The following NACC2 variants were observed in gnomAD, a reference collection of about 807,000 sequenced individuals.
NACC2 encodes the protein nucleus accumbens-associated protein 2.
In NACC2, 8 loss-of-function variants were observed where a neutral mutation model predicts 25.1. The ratio of observed to expected loss-of-function variants is 0.32; its 90% confidence interval spans 0.19 to 0.57. The LOEUF (loss-of-function observed/expected upper bound fraction) is 0.57. Among genes scored for constraint, NACC2 ranks in the 20% least tolerant of loss-of-function variants. The probability of loss-of-function intolerance (pLI) is 0.89; values close to 1 mark genes in which losing one functional copy is unlikely to be tolerated. For synonymous variants in NACC2, 435 were observed against 294.7 expected, an observed-to-expected ratio of 1.48 and a Z score of -4.88; for missense variants, 644 against 650.2, an observed-to-expected ratio of 0.99 and a Z score of 0.10.
At chr9:136,091,833 A>T (rs924001040) in intron 1 of NACC2, among the ~76,000 whole-genome samples, 2 of 78,990 alleles carry the variant, frequency 2.5e-5, no homozygotes, top group African/African-American at 7.9e-5. Flanking sequence ...GGATTTGCTT[A>T]AAAAAAAAAC....
chr9:136,017,736 T>C (rs558135969), intron 2 of NACC2, among the ~76,000 whole-genome samples: 26 of 152,282 alleles, frequency 1.7e-4, no homozygotes, highest in African/African-American at 6.3e-4. Context: ...ACCGCCTCCC[T>C]CATTCCTGTG....
intron 2 of NACC2, among the ~76,000 whole-genome samples, chr9:136,023,094 G>A (rs1469897555): frequency 2.6e-5 from 1 of 37,818 alleles, no homozygotes; most frequent in African/African-American, 1.2e-4. Context: ...AGGGAAGGAG[G>A]GAAGAGGGAG....
rs1840076056 is a variant in NACC2, at chr9:136,009,752, A to C, written c.*1764T>G. 6.6e-6 allele frequency: 1 copy of C among 152,306 alleles called. No homozygotes were observed. Among genetic ancestry groups the C allele is most frequent in the African/African-American group, 2.4e-5 (1 of 41,416 alleles). 9.4% of individuals were successfully genotyped at this position (152,306 alleles called of 1,614,324 possible). ...AGGGTGCAGCACATGGTCCTCCCCTAGCGGAGGCGGCCTCCGCTTGATGGG... is the reference window on the plus strand; with the variant it reads ...AGGGTGCAGCACATGGTCCTCCCCTCGCGGAGGCGGCCTCCGCTTGATGGG... On this transcript the variant is annotated 3_prime_UTR_variant, in exon 6 of 6. Transcript: ENST00000277554.
chr9:136,077,991 C>G (rs116973826), intron 1 of NACC2, among the ~76,000 whole-genome samples: 2,725 of 152,314 alleles, frequency 0.018, 30 homozygotes, highest in Non-Finnish European at 0.028. Context: ...CCAGGCTGGT[C>G]TCAAACTCCT....
intron 2 of NACC2, among the ~76,000 whole-genome samples, chr9:136,021,326 G>A (rs951251341): frequency 6.8e-6 from 1 of 145,994 alleles, no homozygotes; most frequent in Non-Finnish European, 1.5e-5. Context: ...GCCATGTTGC[G>A]GTCCCACCTC....
Position 136,084,118 on chromosome 9 carries a change from C to A in NACC2, c.-60+11071G>T, listed in dbSNP as rs1188256488. On this transcript the variant is annotated intron_variant, in intron 1 of 5. Transcript: ENST00000277554. This position sits in a 1 kb window ranked among gnomAD's most constrained non-coding sequence, Gnocchi z 5.1. ...GTCCCTCACTCAGTGGCTCCAGGGACAACTGAGGGACATGGATCCAGCCAG... is the reference window on the plus strand; with the variant it reads ...GTCCCTCACTCAGTGGCTCCAGGGAAAACTGAGGGACATGGATCCAGCCAG... 6.6e-6 allele frequency among the ~76,000 whole-genome samples: 1 copy of A among 151,882 alleles called. No homozygotes were observed. The highest frequency in any genetic ancestry group is 1.5e-5 in the Non-Finnish European group (1 of 67,952).
intron 2 of NACC2, among the ~76,000 whole-genome samples, chr9:136,029,649 A>G (rs1490290974): frequency 6.6e-6 from 1 of 152,180 alleles, no homozygotes; most frequent in Non-Finnish European, 1.5e-5. Context: ...AGTTCCTGGC[A>G]TCTCCAAGCT....
chr9:136,064,118 A>G (rs1264939523), intron 1 of NACC2, among the ~76,000 whole-genome samples: 1 of 151,998 alleles, frequency 6.6e-6, no homozygotes, highest in Non-Finnish European at 1.5e-5. Context: ...GCAAGACCTC[A>G]TCTCTACAAA....
intron 2 of NACC2, among the ~76,000 whole-genome samples, chr9:136,024,452 G>A (rs1053301185): frequency 3.4e-5 from 5 of 148,730 alleles, no homozygotes; most frequent in African/African-American, 1.2e-4. Flanking sequence ...AGGACAGAGG[G>A]TATGTGTGAG....
chr9:136,080,296 C>T (rs1467685738), intron 1 of NACC2, among the ~76,000 whole-genome samples: 1 of 152,198 alleles, frequency 6.6e-6, no homozygotes, highest in Non-Finnish European at 1.5e-5. Context: ...GAGCCCAGGC[C>T]CCTTCGCTGC....
chr9:136,011,921 G>C lies in NACC2; in HGVS notation c.1359C>G (p.Pro453=), dbSNP rs756175440. ...NARRVRKRWL[P]KIKSMLPEGV... is the part of the protein sequence containing the mutation. ...CCTCCGGCAGCATGGACTTGATCTT[G>C]GGCAGCCAGCGCTTGCGAACGCGGC... Residue 453 remains proline (P), a synonymous_variant, in exon 6 of 6, where the codon CCC becomes CCG. Coordinates refer to ENST00000277554, the MANE Select transcript of NACC2 (RefSeq NM_144653.5). The C allele has an allele frequency of 1.9e-6, 3 of 1,596,760 alleles. No homozygotes were observed. The highest frequency in any genetic ancestry group is 2.6e-6 in the Non-Finnish European group (3 of 1,173,804).
chr9:136,038,654 T>TA (rs1363999855), intron 2 of NACC2, among the ~76,000 whole-genome samples: 1 of 152,192 alleles, frequency 6.6e-6, no homozygotes, highest in East Asian at 1.9e-4. Context: ...TACTTTATGG[T>TA]AAAAATTACT....
At chr9:136,041,561 C>A (rs1246828513) in intron 2 of NACC2, among the ~76,000 whole-genome samples, 1 of 152,102 alleles carries the variant, frequency 6.6e-6, no homozygotes, top group Non-Finnish European at 1.5e-5. Context: ...TAGGAATCTA[C>A]ACAGAGAGTA....
chr9:136,023,758 G>A (rs1448816281), intron 2 of NACC2, among the ~76,000 whole-genome samples: 1 of 152,250 alleles, frequency 6.6e-6, no homozygotes, highest in Non-Finnish European at 1.5e-5. Flanking sequence ...TCCAGCCATA[G>A]GCACAGGTTG....
At chr9:136,080,432 C>T (rs1489659036) in intron 1 of NACC2, among the ~76,000 whole-genome samples, 2 of 152,270 alleles carry the variant, frequency 1.3e-5, no homozygotes, top group Admixed American at 6.5e-5. Flanking sequence ...ATTAGCTGGG[C>T]GTGGTGGCGC....
chr9:136,040,900 G>T (rs1470354597), intron 2 of NACC2, among the ~76,000 whole-genome samples: 2 of 152,034 alleles, frequency 1.3e-5, no homozygotes, highest in African/African-American at 4.8e-5. Flanking sequence ...GGCAGAGGCT[G>T]CAATGAGTAG....
At chr9:136,056,504 C>T (rs1356161401) in intron 1 of NACC2, among the ~76,000 whole-genome samples, 1 of 152,210 alleles carries the variant, frequency 6.6e-6, no homozygotes, top group African/African-American at 2.4e-5. Context: ...CATCAAGTCA[C>T]AAGAGCCAGA....
chr9:136,060,523 G>T (rs1840994714), intron 1 of NACC2, among the ~76,000 whole-genome samples: 1 of 152,214 alleles, frequency 6.6e-6, no homozygotes. Context: ...CTCCCTGAGG[G>T]TCAGCTCCAC....
chr9:136,044,245 G>A (rs1186953682), intron 2 of NACC2, among the ~76,000 whole-genome samples: 19 of 152,184 alleles, frequency 1.2e-4, no homozygotes, highest in African/African-American at 3.6e-4. Flanking sequence ...GGTCCAGTGC[G>A]GTGCTCCCAC....
Sources: allele counts gnomAD v4.1 joint callset (sites outside exome capture counted in the v4.1 genomes callset), GRCh38; gene constraint gnomAD v4.1.1; non-coding constraint Gnocchi (gnomAD v3.1); transcripts MANE v1.5; gene names NCBI Gene and HGNC (gene_info 2026-07-23, HGNC 2026-07-21).